The following FGF7 variants were observed in gnomAD, a reference collection of about 807,000 sequenced individuals.
FGF7 encodes the protein FGF-7.
Under a neutral mutation model 20.5 loss-of-function variants are expected in FGF7, and 6 were observed. The ratio of observed to expected loss-of-function variants is 0.29; its 90% CI spans 0.16 to 0.58. FGF7 has a LOEUF of 0.58. FGF7 is among the 20% of genes least tolerant of loss of function. FGF7 has a pLI of 0.90. For synonymous variants in FGF7, 64 were observed against 74.7 expected, an observed-to-expected ratio of 0.86 and a Z score of 0.74; for missense variants, 144 against 228.8, an observed-to-expected ratio of 0.63 and a Z score of 2.39.
chr15:49,424,793 A>AC (rs1719689679), intron 2 of FGF7: 1 of 384,104 alleles, frequency 2.6e-6, no homozygotes, highest in Admixed American at 4.1e-5. Context: ...GTTGGACCTG[A>AC]TAATCCAAGC....
chr15:49,456,906 A>G (rs187867333), intron 2 of FGF7, among the ~76,000 whole-genome samples: 1 of 152,250 alleles, frequency 6.6e-6, no homozygotes, highest in African/African-American at 2.4e-5. Flanking sequence ...GTGCATTACA[A>G]TTCAATCCAA....
At chr15:49,473,372 T>C (rs1384715952) in intron 2 of FGF7, among the ~76,000 whole-genome samples, 1 of 152,300 alleles carries the variant, frequency 6.6e-6, no homozygotes, top group East Asian at 1.9e-4. Flanking sequence ...GAGTTAAATA[T>C]AAGTTATTAG....
At chr15:49,425,922 G>T (rs753189404) in intron 2 of FGF7, among the ~76,000 whole-genome samples, 24 of 151,172 alleles carry the variant, frequency 1.6e-4, no homozygotes, top group Non-Finnish European at 2.8e-4. Context: ...AAATTTTTTT[G>T]ATATCTACTT....
At chr15:49,481,229 T>C (rs1436144232) in intron 2 of FGF7, among the ~76,000 whole-genome samples, 1 of 152,236 alleles carries the variant, frequency 6.6e-6, no homozygotes, top group Admixed American at 6.5e-5. Context: ...ACAGTTTTTG[T>C]CATAAAAGTA....
chr15:49,480,814 T>C (rs1002415806), intron 2 of FGF7, among the ~76,000 whole-genome samples: 3 of 152,014 alleles, frequency 2.0e-5, no homozygotes, highest in African/African-American at 7.2e-5. Context: ...AAAGAAACAG[T>C]GGGCAATAGA....
chr15:49,462,433 C>G (rs915846162), intron 2 of FGF7, among the ~76,000 whole-genome samples: 22 of 152,124 alleles, frequency 1.4e-4, no homozygotes, highest in African/African-American at 5.1e-4. Flanking sequence ...TGGCCTTAGT[C>G]CAGAAGTATT....
intron 2 of FGF7, among the ~76,000 whole-genome samples, chr15:49,427,176 G>A (rs912382000): frequency 2.0e-5 from 3 of 152,016 alleles, no homozygotes; most frequent in Non-Finnish European, 2.9e-5. Flanking sequence ...ATTGACACAT[G>A]TGAAGTTGAA....
chr15:49,439,324 C>CAG (rs144638662), intron 2 of FGF7, among the ~76,000 whole-genome samples: 2 of 150,182 alleles, frequency 1.3e-5, no homozygotes, highest in Non-Finnish European at 3.0e-5. Flanking sequence ...GAAAGGGAGG[C>CAG]AGAGAGAGAG....
rs145917213 is a variant in FGF7, at chr15:49,430,494, G to C, written c.286+5911G>C. Among the ~76,000 whole-genome samples, 986 of 151,916 alleles carry C rather than the reference G, an allele frequency of 6.5e-3. 6 individuals are homozygous for C. The highest frequency in any genetic ancestry group is 8.1e-3 in the Non-Finnish European group (553 of 67,872). On this transcript the variant is annotated intron_variant, in intron 2 of 3. Transcript: ENST00000267843. ...GGGGGAGAGAACCACAATTCTAGAG[G>C]GTTGGCTTAGTCTGCTTTGTGTTGA...
intron 2 of FGF7, among the ~76,000 whole-genome samples, chr15:49,479,492 A>G (rs1227828237): frequency 6.6e-6 from 1 of 150,538 alleles, no homozygotes; most frequent in Non-Finnish European, 1.5e-5. Context: ...ATTAACTTAT[A>G]TTGGTAACTA....
At chr15:49,473,305 G>T (rs558243643) in intron 2 of FGF7, among the ~76,000 whole-genome samples, 1 of 152,140 alleles carries the variant, frequency 6.6e-6, no homozygotes, top group African/African-American at 2.4e-5. Context: ...GTCATATGCT[G>T]CTAAATTTAT....
chr15:49,471,759 A>C (rs1028841015), intron 2 of FGF7, among the ~76,000 whole-genome samples: 13 of 152,098 alleles, frequency 8.5e-5, no homozygotes, highest in Non-Finnish European at 1.5e-4. Context: ...TTTCTTGGCT[A>C]GGAAGCAGCT....
intron 2 of FGF7, among the ~76,000 whole-genome samples, chr15:49,447,856 A>G (rs1394086480): frequency 6.6e-6 from 1 of 151,738 alleles, no homozygotes; most frequent in Non-Finnish European, 1.5e-5. Context: ...GAATGAATTG[A>G]ATAAACAATA....
At chr15:49,456,186 GAATT>G (rs543416179) in intron 2 of FGF7, among the ~76,000 whole-genome samples, 38 of 152,148 alleles carry the variant, frequency 2.5e-4, no homozygotes, top group Middle Eastern at 3.4e-3. Flanking sequence ...CTATATTTCA[GAATT>G]AATTCTTTAG....
intron 2 of FGF7, among the ~76,000 whole-genome samples, chr15:49,460,319 G>C (rs1015342657): frequency 6.6e-6 from 1 of 152,120 alleles, no homozygotes; most frequent in African/African-American, 2.4e-5. Context: ...AATATGTTGA[G>C]ACAAACATAT....
At chr15:49,437,256 C>T (rs921154901) in intron 2 of FGF7, among the ~76,000 whole-genome samples, 10 of 151,436 alleles carry the variant, frequency 6.6e-5, no homozygotes, top group Non-Finnish European at 1.2e-4. Context: ...AGATAATTTC[C>T]TTCCCTAAAG....
chr15:49,449,518 A>C (rs1398047826), intron 2 of FGF7, among the ~76,000 whole-genome samples: 1 of 151,988 alleles, frequency 6.6e-6, no homozygotes, highest in Admixed American at 6.6e-5. Flanking sequence ...CCCAGAATGC[A>C]ATGCTCCAAA....
chr15:49,455,874 C>G (rs967390880), intron 2 of FGF7, among the ~76,000 whole-genome samples: 2 of 151,798 alleles, frequency 1.3e-5, no homozygotes, highest in African/African-American at 4.8e-5. Flanking sequence ...TTTTTGTACC[C>G]AGAAATATGC....
intron 2 of FGF7, among the ~76,000 whole-genome samples, chr15:49,456,575 T>C (rs2053313878): frequency 6.6e-6 from 1 of 152,160 alleles, no homozygotes; most frequent in African/African-American, 2.4e-5. Context: ...ATTACTTTTT[T>C]TCCTTTGCCT....
Sources: allele counts gnomAD v4.1 joint callset (sites outside exome capture counted in the v4.1 genomes callset), GRCh38; gene constraint gnomAD v4.1.1; transcripts MANE v1.5; gene names NCBI Gene and HGNC (gene_info 2026-07-23, HGNC 2026-07-21).